The following CRELD1 variants were observed in gnomAD, a reference collection of about 807,000 sequenced individuals.
CRELD1 encodes the protein CRELD disulfide isomerase 1.
In CRELD1, 42 loss-of-function variants were observed where a neutral mutation model predicts 58.2. The observed-to-expected ratio is 0.72, with a 90% CI of 0.56 to 0.93. The LOEUF (loss-of-function observed/expected upper bound fraction) is 0.93, where lower values mean the gene tolerates loss of function less well. CRELD1 is among the 40% of genes least tolerant of loss of function. The pLI, the probability that CRELD1 is intolerant of heterozygous loss-of-function variation, is 0.00. For synonymous variants in CRELD1, 222 were observed against 202.0 expected (o/e 1.10, Z -0.84); for missense variants, 500 against 540.6 (o/e 0.92, Z 0.74).
intron 4 of CRELD1, 135 bp downstream of exon 4, chr3:9,937,807 T>G: frequency 1.3e-6 from 1 of 787,672 alleles, no homozygotes; most frequent in Non-Finnish European, 2.2e-6. Context: ...CCAGGTCTGC[T>G]AAGAACTTGC....
At chr3:9,935,020 C>A in intron 3 of CRELD1, 103 bp downstream of exon 3, 1 of 934,534 alleles carries the variant, frequency 1.1e-6, no homozygotes, top group Non-Finnish European at 1.6e-6. Flanking sequence ...ATTCATTCAA[C>A]AAATAGCACT....
chr3:9,938,233 T>A (rs936063857), intron 5 of CRELD1, 127 bp downstream of exon 5: 9 of 756,496 alleles, frequency 1.2e-5, no homozygotes, highest in Admixed American at 2.0e-5. Context: ...ACCTCAGTTC[T>A]TGCCTGCCTG....
Position 9,938,072 on chromosome 3 carries a change from C to T in CRELD1, c.426C>T (p.Cys142=). Residue 142 remains cysteine (C), a synonymous_variant, in exon 5 of 11, where the codon TGC becomes TGT. Transcript: ENST00000452070. ...TGTGCTCAGATTCCCTGAAGCTCTG[C>T]TGCCCCGCAGGCACCTTCGGGCCCT... is the stretch of plus-strand genomic sequence containing the variant. The part of the protein sequence containing the change: ...QWLCSDSLKL[C]CPAGTFGPSC... 6.2e-7 allele frequency: 1 copy of T among 1,614,036 alleles called. No individual in the cohort carries two copies. Among genetic ancestry groups the T allele is most frequent in the Non-Finnish European group, 8.5e-7 (1 of 1,180,032 alleles).
chr3:9,937,310 G>A (rs1245627585), intron 3 of CRELD1, among the ~76,000 whole-genome samples: 2 of 152,182 alleles, frequency 1.3e-5, no homozygotes, highest in African/African-American at 2.4e-5. Flanking sequence ...AACCTGCAGG[G>A]AAGGTATTGT....
intron 5 of CRELD1, among the ~76,000 whole-genome samples, chr3:9,940,455 T>C (rs892432252): frequency 1.3e-5 from 2 of 151,946 alleles, no homozygotes; most frequent in African/African-American, 4.8e-5. Flanking sequence ...CACTCGCGTT[T>C]AGGAGCTGGA....
Position 9,944,660 on chromosome 3 carries a change from C to G in CRELD1, c.*81C>G, listed in dbSNP as rs2085471705. Reference sequence around the variant, plus strand: ...CTGCCCTCCTGCTGGACACTCAGGACAGCTTGGTTTATTTTTGAGAGTGGG... The same window carrying G: ...CTGCCCTCCTGCTGGACACTCAGGAGAGCTTGGTTTATTTTTGAGAGTGGG... On this transcript the variant is annotated 3_prime_UTR_variant, in exon 11 of 11. Transcript: ENST00000452070. 7.6e-7 allele frequency: 1 copy of G among 1,323,476 alleles called. No homozygotes were observed. 82.0% of individuals were successfully genotyped at this position (1,323,476 alleles called of 1,614,324 possible).
chr3:9,935,550 A>G (rs9859294), intron 3 of CRELD1, among the ~76,000 whole-genome samples: 5,880 of 152,292 alleles, frequency 0.039, 398 homozygotes, highest in African/African-American at 0.13. Context: ...AGGCAAGTGC[A>G]TCATCTAGGT....
intron 7 of CRELD1, among the ~76,000 whole-genome samples, chr3:9,942,231 A>G (rs1414082928): frequency 6.6e-6 from 1 of 151,322 alleles, no homozygotes. Flanking sequence ...AGATCACACC[A>G]TTGCACTCTA....
intron 3 of CRELD1, among the ~76,000 whole-genome samples, chr3:9,937,151 A>ATTTTGTAT (rs1330509654): frequency 6.6e-6 from 1 of 152,162 alleles, no homozygotes; most frequent in African/African-American, 2.4e-5. Flanking sequence ...TGGTGATGCC[A>ATTTTGTAT]TTTTGTATTC....
intron 1 of CRELD1, 112 bp downstream of exon 1, chr3:9,934,032 G>A: frequency 6.3e-6 from 2 of 317,888 alleles, no homozygotes; most frequent in Non-Finnish European, 1.2e-5. Context: ...CCAAGCCCGG[G>A]GTTCCGGACA....
chr3:9,934,545 A>G lies in CRELD1; in HGVS notation c.107A>G (p.Gln36Arg). Residue 36 changes from glutamine (Q) to arginine (R), a missense_variant, in exon 2 of 11, where the codon CAG (glutamine) becomes CGG (arginine). Physicochemically the swap from Gln to Arg is conservative, Grantham distance 43. Coordinates refer to ENST00000452070, the MANE Select transcript of CRELD1 (RefSeq NM_001077415.3). ...TGGCTCCAGCCCTCTCCACCTCCCC[A>G]GTCTTCTCCCCCGCCTCAGCCCCAT... ...PIWLQPSPPPQSSPPPQPHPC... is the reference protein window; with the variant it reads ...PIWLQPSPPPRSSPPPQPHPC... 1 of 1,613,650 alleles carries G rather than the reference A, an allele frequency of 6.2e-7. No homozygotes were observed. The highest frequency in any genetic ancestry group is 8.5e-7 in the Non-Finnish European group (1 of 1,179,928).
At position 9,943,162 on chromosome 3, in the gene CRELD1, C is replaced by CA; in HGVS notation, c.905dup (p.Cys303ValfsTer6). 1.2e-6 allele frequency: 2 copies of CA among 1,613,062 alleles called. No homozygotes were observed. The highest frequency in any genetic ancestry group is 1.7e-6 in the Non-Finnish European group (2 of 1,179,914). On this transcript the variant is annotated frameshift_variant, in exon 9 of 11. Transcript: ENST00000452070. LOFTEE classifies it high-confidence loss of function. ...GCCCTGGCTATCAGCAGGTGGGCTC[C>CA]AAGTGTCTCGGTGAGTCTCCTGCTG...
chr3:9,937,970 C>A, intron 4 of CRELD1, 45 bp from the exon 5 acceptor site: 2 of 1,367,884 alleles, frequency 1.5e-6, no homozygotes, highest in Middle Eastern at 2.2e-4. Flanking sequence ...ATGACACTAT[C>A]TCAGCACCTC....
rs1387259932 is a variant in CRELD1 at position 9,934,524 on chromosome 3, T to A, written c.86T>A (p.Leu29His). 1 of 1,613,898 alleles carries A rather than the reference T, an allele frequency of 6.2e-7. No individual in the cohort carries two copies. Among genetic ancestry groups the A allele is most frequent in the Admixed American group, 1.7e-5 (1 of 60,006 alleles). ...LFLNLPGPIW[L>H]QPSPPPQSSP... ...CTCAACCTCCCAGGACCTATCTGGC[T>A]CCAGCCCTCTCCACCTCCCCAGTCT... is the stretch of plus-strand genomic sequence containing the variant. The change falls in exon 2 of 11, where the codon CTC becomes CAC. Residue 29 changes from leucine (L) to histidine (H), a missense_variant. Physicochemically the swap from Leu to His is moderately conservative, Grantham distance 99. Coordinates refer to ENST00000452070, the MANE Select transcript of CRELD1 (RefSeq NM_001077415.3).
chr3:9,934,278 C>A, intron 1 of CRELD1, 142 bp from the exon 2 acceptor site: 1 of 668,434 alleles, frequency 1.5e-6, no homozygotes, highest in Non-Finnish European at 2.7e-6. Flanking sequence ...CCCATCCCCA[C>A]AGCCCCTGCA....
chr3:9,941,386 G>T (rs112875433), intron 7 of CRELD1, among the ~76,000 whole-genome samples, 180 bp downstream of exon 7: 1 of 151,186 alleles, frequency 6.6e-6, no homozygotes, highest in African/African-American at 2.4e-5. Context: ...GTACTGTGTA[G>T]TATAGTCCCT....
In CRELD1 at chr3:9,940,775, G is replaced by A. The variant is rs771854581; in HGVS notation, c.461-75G>A. On this transcript the variant is annotated intron_variant, in intron 5 of 10. Transcript: ENST00000452070. ...GGAGGGAAGGCAAGGGAGAGGGAGA[G>A]GGAGAGGGAGAAAATATTATCTTGT... 9.1e-4 allele frequency: 1,186 copies of A among 1,308,706 alleles called. 2 individuals carry two copies. The highest frequency in any genetic ancestry group is 1.1e-3 in the Non-Finnish European group (1,015 of 927,916). 81.1% of individuals were successfully genotyped at this position (1,308,706 alleles called of 1,614,324 possible).
chr3:9,937,435 C>T (rs2085224996), intron 3 of CRELD1, 127 bp from the exon 4 acceptor site: 3 of 706,210 alleles, frequency 4.2e-6, no homozygotes, highest in East Asian at 2.7e-5. Context: ...AACCATGACC[C>T]CTTCCATTAT....
At position 9,934,896 on chromosome 3, in the gene CRELD1, A is replaced by G. The variant is rs780590991; in HGVS notation, c.236A>G (p.Asn79Ser). 5 of 1,612,264 alleles carry G rather than the reference A, an allele frequency of 3.1e-6. No individual in the cohort carries two copies. The South Asian group carries it at 4.4e-5, about 14-fold the overall frequency. The change falls in exon 3 of 11, where the codon AAT (asparagine) becomes AGT (serine). Residue 79 changes from asparagine (N) to serine (S), a missense_variant. Transcript: ENST00000452070. ...GGGNTAWEEE[N>S]LSKYKDSETR... ...GGAAACACTGCCTGGGAGGAAGAGA[A>G]TTTGTCCAAATACAAAGACAGGTAA...
Sources: gnomAD v4.1 joint callset for allele counts (sites outside exome capture counted in the v4.1 genomes callset) on GRCh38, gnomAD v4.1.1 for gene constraint, MANE v1.5 for transcripts, NCBI Gene and HGNC (gene_info 2026-07-23, HGNC 2026-07-21) for gene names.